The following EVPL variants were observed in gnomAD, a reference collection of about 807,000 sequenced individuals.
EVPL encodes the protein envoplakin.
In EVPL, 94 loss-of-function variants were observed where a neutral mutation model predicts 129.7. That is an observed-to-expected ratio of 0.72 (90% CI 0.61 to 0.86). EVPL has a LOEUF of 0.86. EVPL is among the 40% of genes least tolerant of loss of function. The pLI is 0.00. For missense variants in EVPL, 2,625 were observed against 2,721.1 expected, an observed-to-expected ratio of 0.96 and a Z score of 0.79; for synonymous variants, 1,172 against 1,191.1, an observed-to-expected ratio of 0.98 and a Z score of 0.33.
At chr17:76,027,041 C>A in intron 1 of EVPL, 60 bp downstream of exon 1, 1 of 1,052,392 alleles carries the variant, frequency 9.5e-7, no homozygotes, top group Non-Finnish European at 1.4e-6. Context: ...GCTCAAGGAC[C>A]TGGGCCTGGC....
chr17:76,016,285 C>A (rs932449731), intron 14 of EVPL, among the ~76,000 whole-genome samples: 4 of 152,240 alleles, frequency 2.6e-5, no homozygotes, highest in Admixed American at 2.6e-4. Context: ...ACCATCAGGT[C>A]CCCTGGCCCT....
Position 76,022,235 on chromosome 17 carries a change from G to C in EVPL, c.607-8C>G. On this transcript the variant is annotated splice_region_variant and splice_polypyrimidine_tract_variant and intron_variant, in intron 5 of 21. Transcript: ENST00000301607. This position sits in a 1 kb window ranked among gnomAD's most constrained non-coding sequence, Gnocchi z 5.6. Reference sequence around the variant, plus strand: ...CCGGATGGTGGCTGCATCCTGCCTCGACCAAGGGGAGAAACAAGCCCGTGA... The same window carrying C: ...CCGGATGGTGGCTGCATCCTGCCTCCACCAAGGGGAGAAACAAGCCCGTGA... 6.2e-7 allele frequency: 1 copy of C among 1,613,070 alleles called. No homozygotes were observed. The highest frequency in any genetic ancestry group is 1.7e-4 in the Middle Eastern group (1 of 5,932).
At position 76,009,089 on chromosome 17, in the gene EVPL, C is replaced by T. The variant is rs772902668; in HGVS notation, c.4116G>A (p.Val1372=). Residue 1372 remains valine, a synonymous_variant, in exon 22 of 22, where the codon GTG becomes GTA. Transcript: ENST00000301607. The surrounding 1 kb of genome is among the most constrained non-coding windows in gnomAD (Gnocchi z 5.9). ...CCTTCTGGGTGACCACCACCTCCTGCACCACCACCTTCTCCTCGGGCTTCC... is the reference window on the plus strand; with the variant it reads ...CCTTCTGGGTGACCACCACCTCCTGTACCACCACCTTCTCCTCGGGCTTCC... ...ERRKPEEKVV[V]QEVVVTQKDP... 6.2e-6 allele frequency: 10 copies of T among 1,613,306 alleles called. 1 individual carries two copies. The South Asian group carries it at 9.9e-5, about 16-fold the overall frequency.
chr17:76,021,611 G>GGCCCCC, intron 8 of EVPL, 48 bp from the exon 9 acceptor site: 2 of 1,202,096 alleles, frequency 1.7e-6, no homozygotes, highest in Non-Finnish European at 2.2e-6. Context: ...CCCCACGTCC[G>GGCCCCC]CCCCACCTCC....
chr17:76,010,317 T>G lies in EVPL; in HGVS notation c.2888A>C (p.Tyr963Ser). The G allele has an allele frequency of 6.2e-7, 1 of 1,613,878 alleles. No individual in the cohort carries two copies. Among genetic ancestry groups the G allele is most frequent in the Non-Finnish European group, 8.5e-7 (1 of 1,180,010 alleles). ...GCTGCCCTCCAGCTGGGGGTCCCGG[T>G]AGAACTCTACCACTTCCTTCTCCTC... The part of the protein sequence containing the change: ...RLEEKEVVEF[Y>S]RDPQLEGSLS... Residue 963 changes from tyrosine (Y) to serine (S), a missense_variant, in exon 22 of 22, where the codon TAC becomes TCC. This residue lies in a region of EVPL where 1,453 missense variants were observed against 1,511.8 expected (regional missense o/e 0.96). Coordinates refer to ENST00000301607, the MANE Select transcript of EVPL (RefSeq NM_001988.4).
chr17:76,009,378 T>C lies in EVPL; in HGVS notation c.3827A>G (p.Gln1276Arg), dbSNP rs1422495669. The part of the protein sequence containing the change: ...VLREIDRLKA[Q>R]LNELVNSHGR... ...GTGGCTGTTGACGAGCTCGTTGAGCTGAGCCTTCAGGCGGTCGATCTCACG... is the reference window on the plus strand; with the variant it reads ...GTGGCTGTTGACGAGCTCGTTGAGCCGAGCCTTCAGGCGGTCGATCTCACG... The change falls in exon 22 of 22, where the codon CAG becomes CGG. Residue 1276 changes from glutamine (Q) to arginine (R), a missense_variant. By Grantham distance (43) the Gln-to-Arg change is conservative. Transcript: ENST00000301607. The surrounding 1 kb of genome is among the most constrained non-coding windows in gnomAD (Gnocchi z 5.9). 3.1e-6 allele frequency: 5 copies of C among 1,613,966 alleles called. No individual in the cohort carries two copies. Among genetic ancestry groups the C allele is most frequent in the Non-Finnish European group, 4.2e-6 (5 of 1,180,020 alleles).
Position 76,014,932 on chromosome 17 carries a change from C to A in EVPL, c.2206G>T (p.Asp736Tyr), listed in dbSNP as rs746195602. 13 of 1,586,168 alleles carry A rather than the reference C, an allele frequency of 8.2e-6. No homozygotes were observed. The highest frequency in any genetic ancestry group is 2.2e-5 in the South Asian group (2 of 90,352). Residue 736 changes from aspartate (D) to tyrosine (Y), a missense_variant, in exon 17 of 22, where the codon GAC becomes TAC. Physicochemically the swap from Asp to Tyr is radical, Grantham distance 160. Around this residue, in one of 4 missense-constraint regions of EVPL, gnomAD observed 1,024 missense variants for 997.5 expected, o/e 1.03. Transcript: ENST00000301607. ...ALTDRYHAVG[D>Y]QLDLREKVVQ... is the part of the protein sequence containing the mutation. ...GTCGCTCACCGCAGGTCCAGCTGGT[C>A]CCCTACGGCGTGGTAGCGGTCGGTG...
Position 76,013,291 on chromosome 17 carries a change from C to A in EVPL, c.2373+1135G>T, listed in dbSNP as rs1052721219. ...AGGGCTGAGAATCTCTGTCCCAGGC[C>A]CCCTTCCCAATGTCACCTCCCTACT... On this transcript the variant is annotated intron_variant, in intron 18 of 21. Transcript: ENST00000301607. This position sits in a 1 kb window ranked among gnomAD's most constrained non-coding sequence, Gnocchi z 4.3. Among the ~76,000 whole-genome samples, 1 of 152,040 alleles carries A rather than the reference C, an allele frequency of 6.6e-6. No individual in the cohort carries two copies. The highest frequency in any genetic ancestry group is 2.4e-5 in the African/African-American group (1 of 41,392).
Position 76,012,093 on chromosome 17 carries a change from C to T in EVPL, c.2374-4G>A, listed in dbSNP as rs368402025. 396 of 1,607,786 alleles carry T rather than the reference C, an allele frequency of 2.5e-4. No individual in the cohort carries two copies. Among genetic ancestry groups the T allele is most frequent in the Non-Finnish European group, 3.3e-4 (390 of 1,178,378 alleles). ...TCTGGATCTCCTGCGTCAGCCTCTG[C>T]CAGGGAAGAACCCAGAGTCAGGAGG... is the stretch of plus-strand genomic sequence containing the variant. On this transcript the variant is annotated splice_region_variant and splice_polypyrimidine_tract_variant and intron_variant, in intron 18 of 21. Transcript: ENST00000301607.
At position 76,009,750 on chromosome 17, in the gene EVPL, GA is replaced by G; in HGVS notation, c.3454del (p.Ser1152ProfsTer4). ...VEQDPGLLQE[S>X]SRLRSLLEEE... ...CTCGAGGAGGCTCCTCAGCCTGGAGGACTCCTGGAGGAGCCCTGGGTCCTGC... is the reference window on the plus strand; with the variant it reads ...CTCGAGGAGGCTCCTCAGCCTGGAGGCTCCTGGAGGAGCCCTGGGTCCTGC... On this transcript the variant is annotated frameshift_variant, in exon 22 of 22. Transcript: ENST00000301607. LOFTEE classifies it low-confidence loss of function (END_TRUNC). This position sits in a 1 kb window ranked among gnomAD's most constrained non-coding sequence, Gnocchi z 5.9. 1 of 1,613,696 alleles carries G rather than the reference GA, an allele frequency of 6.2e-7. No individual in the cohort carries two copies. The highest frequency in any genetic ancestry group is 8.5e-7 in the Non-Finnish European group (1 of 1,180,002).
Position 76,008,652 on chromosome 17 carries a change from G to T in EVPL, c.4553C>A (p.Thr1518Asn), listed in dbSNP as rs866995164. Residue 1518 changes from threonine (T) to asparagine (N), a missense_variant, in exon 22 of 22, where the codon ACC (threonine) becomes AAC (asparagine). This residue lies in a region of EVPL where 1,453 missense variants were observed against 1,511.8 expected (regional missense o/e 0.96). Coordinates refer to ENST00000301607, the MANE Select transcript of EVPL (RefSeq NM_001988.4). This position sits in a 1 kb window ranked among gnomAD's most constrained non-coding sequence, Gnocchi z 7.4. The stretch of plus-strand genomic sequence containing the variant: ...CACCCGGATCACTTCCTTGTAGATG[G>T]TCTTCTCCTGCGATTTGGCTTTCTG... ...VLQKAKSQEKTIYKEVIRVQK... is the reference protein window; with the variant it reads ...VLQKAKSQEKNIYKEVIRVQK... 4 of 1,612,306 alleles carry T rather than the reference G, an allele frequency of 2.5e-6. No individual in the cohort carries two copies. The highest frequency in any genetic ancestry group is 3.4e-6 in the Non-Finnish European group (4 of 1,180,020).
chr17:76,026,778 AGAG>A (rs1598248198), intron 1 of EVPL, among the ~76,000 whole-genome samples: 1 of 152,164 alleles, frequency 6.6e-6, no homozygotes, highest in Non-Finnish European at 1.5e-5. Context: ...AGCCTCTGGC[AGAG>A]GAGGGCCTCC....
chr17:76,007,960 T>A lies in EVPL; in HGVS notation c.5245A>T (p.Ile1749Phe), dbSNP rs781684446. 3.1e-6 allele frequency: 5 copies of A among 1,614,104 alleles called. No homozygotes were observed. Among genetic ancestry groups the A allele is most frequent in the South Asian group, 1.1e-5 (1 of 91,086 alleles). ...CGCCGGCAGCGGAGGGCGGCCTCGATGGAGTACTGCTTCCCGCTCTTGCGG... is the reference window on the plus strand; with the variant it reads ...CGCCGGCAGCGGAGGGCGGCCTCGAAGGAGTACTGCTTCCCGCTCTTGCGG... ...LDRKSGKQYSIEAALRCRRIS... is the reference protein window; with the variant it reads ...LDRKSGKQYSFEAALRCRRIS... The change falls in exon 22 of 22, where the codon ATC becomes TTC. Residue 1749 changes from isoleucine to phenylalanine, a missense_variant. Transcript: ENST00000301607. This position sits in a 1 kb window ranked among gnomAD's most constrained non-coding sequence, Gnocchi z 8.8.
rs2066332827 is a variant in EVPL at position 76,007,815 on chromosome 17, G to A, written c.5390C>T (p.Ser1797Phe). 6.2e-7 allele frequency: 1 copy of A among 1,611,472 alleles called. No individual in the cohort carries two copies. ...GGCCGGGGAGGCGAGCGGGGACTTG[G>A]AGATGATAGAGCCGATGGAGAGTGA... ...SSSLSIGSII[S>F]KSPLASPAPQ... is the part of the protein sequence containing the mutation. Residue 1797 changes from serine to phenylalanine, a missense_variant, in exon 22 of 22, where the codon TCC (serine) becomes TTC (phenylalanine). Transcript: ENST00000301607. The surrounding 1 kb of genome is among the most constrained non-coding windows in gnomAD (Gnocchi z 8.8).
Position 76,015,071 on chromosome 17 carries a change from C to T in EVPL, c.2067G>A (p.Val689=). ...CCTTCAGCGCGCGGTGTAGCCGCAG[C>T]ACGCAGGTCTGCTGTTCCAGCAGCT... The part of the protein sequence containing the change: ...RRELLEQQTC[V]LRLHRALKAS... Residue 689 remains valine (V), a synonymous_variant, in exon 17 of 22, where the codon GTG becomes GTA. Transcript: ENST00000301607. The T allele has an allele frequency of 1.9e-6, 3 of 1,581,038 alleles. No homozygotes were observed. The highest frequency in any genetic ancestry group is 2.6e-6 in the Non-Finnish European group (3 of 1,165,658).
Position 76,007,261 on chromosome 17 carries a change from A to T in EVPL, c.5944T>A (p.Leu1982Met), listed in dbSNP as rs187532575. The change falls in exon 22 of 22, where the codon TTG becomes ATG. Residue 1982 changes from leucine to methionine, a missense_variant. Leu to Met is a conservative substitution (Grantham distance 15). Transcript: ENST00000301607. This position sits in a 1 kb window ranked among gnomAD's most constrained non-coding sequence, Gnocchi z 8.8. ...LQDESSYEKD[L>M]TDPISKERLS... ...CGTTCCTTGGAGATGGGGTCTGTCA[A>T]ATCCTTCTCGTAGCTGGACTCGTCC... is the stretch of plus-strand genomic sequence containing the variant. 1.7e-5 allele frequency: 27 copies of T among 1,566,824 alleles called. No individual in the cohort carries two copies. The Admixed American group carries it at 4.9e-4, about 29-fold the overall frequency.
At chr17:76,026,481 C>T (rs1391562756) in intron 1 of EVPL, among the ~76,000 whole-genome samples, 2 of 152,176 alleles carry the variant, frequency 1.3e-5, no homozygotes, top group African/African-American at 4.8e-5. Flanking sequence ...TCCTGAAGTT[C>T]GGGGATTATA....
chr17:76,007,550 C>G lies in EVPL; in HGVS notation c.5655G>C (p.Arg1885Ser). 6.2e-7 allele frequency: 1 copy of G among 1,614,040 alleles called. No homozygotes were observed. ...ERYSVHKAME[R>S]GLIENTSTQR... is the part of the protein sequence containing the mutation. ...GTGTGGAGGTGTTCTCGATCAGGCC[C>G]CTCTCCATCGCCTTGTGCACAGAGT... Residue 1885 changes from arginine to serine, a missense_variant, in exon 22 of 22, where the codon AGG (arginine) becomes AGC (serine). Arg to Ser is a moderately radical substitution (Grantham distance 110). Transcript: ENST00000301607. The surrounding 1 kb of genome is among the most constrained non-coding windows in gnomAD (Gnocchi z 8.8).
Position 76,017,811 on chromosome 17 carries a change from C to T in EVPL, c.1638G>A (p.Leu546=). 6.2e-7 allele frequency: 1 copy of T among 1,613,530 alleles called. No homozygotes were observed. The highest frequency in any genetic ancestry group is 8.5e-7 in the Non-Finnish European group (1 of 1,180,032). ...GDLGQIERQV[L]AWARAPLSRP... ...GGCTCAGCGGGGCCCGCGCCCAGGC[C>T]AGCACCTGCCTCTCTATCTGTCCCA... Residue 546 remains leucine, a synonymous_variant, in exon 14 of 22, where the codon CTG becomes CTA. Transcript: ENST00000301607.
Sources: gnomAD v4.1 joint callset for allele counts (sites outside exome capture counted in the v4.1 genomes callset) on GRCh38, gnomAD v4.1.1 for gene constraint, gnomAD v4.1.1 regional missense constraint, Gnocchi (gnomAD v3.1) non-coding constraint, MANE v1.5 for transcripts, NCBI Gene and HGNC (gene_info 2026-07-23, HGNC 2026-07-21) for gene names.